The following STAG1 variants were observed in gnomAD, a reference collection of about 807,000 sequenced individuals.
STAG1 encodes STAG1 cohesin complex component.
In STAG1, 26 loss-of-function variants were observed where a neutral mutation model predicts 170.9. The observed-to-expected ratio is 0.15, with a 90% CI of 0.11 to 0.21. The LOEUF is 0.21. STAG1 is among the 10% of genes least tolerant of loss of function. The pLI, the probability that STAG1 is intolerant of heterozygous loss-of-function variation, is 1.00. For missense variants in STAG1, 964 were observed against 1,509.5 expected (o/e 0.64, Z 5.99); for synonymous variants, 514 against 497.7 (o/e 1.03, Z -0.44).
intron 13 of STAG1, among the ~76,000 whole-genome samples, chr3:136,452,554 C>T (rs1576479277): frequency 1.4e-5 from 2 of 141,100 alleles, no homozygotes; most frequent in African/African-American, 2.6e-5. Flanking sequence ...ACAGAGACTC[C>T]GAAAAAAAAA....
chr3:136,455,852 A>G (rs2089096571), intron 13 of STAG1, among the ~76,000 whole-genome samples: 2 of 152,244 alleles, frequency 1.3e-5, no homozygotes, highest in Admixed American at 1.3e-4. Flanking sequence ...AAATAATGTA[A>G]GGCCAGCAAT....
intron 30 of STAG1, among the ~76,000 whole-genome samples, chr3:136,342,145 G>C (rs906150293): frequency 1.3e-5 from 2 of 151,250 alleles, no homozygotes; most frequent in Non-Finnish European, 2.9e-5. Flanking sequence ...TCAGCCTCCC[G>C]AGTAGCTGGG....
intron 9 of STAG1, among the ~76,000 whole-genome samples, chr3:136,490,342 T>C (rs1441201624): frequency 6.6e-6 from 1 of 152,208 alleles, no homozygotes; most frequent in African/African-American, 2.4e-5. Context: ...AGAGTTATTT[T>C]AGATGTATTG....
chr3:136,390,555 G>A (rs897162361), intron 22 of STAG1, among the ~76,000 whole-genome samples: 3 of 152,194 alleles, frequency 2.0e-5, no homozygotes, highest in African/African-American at 7.2e-5. Context: ...CGAAAGGAAA[G>A]GCTTAGAACT....
intron 1 of STAG1, among the ~76,000 whole-genome samples, chr3:136,731,353 G>C (rs1046958753): frequency 6.6e-6 from 1 of 152,132 alleles, no homozygotes; most frequent in African/African-American, 2.4e-5. Context: ...ACTCTCCTCT[G>C]GGCAGGTAAA....
intron 5 of STAG1, among the ~76,000 whole-genome samples, chr3:136,551,236 A>G (rs1357038884): frequency 6.9e-6 from 1 of 144,300 alleles, no homozygotes; most frequent in Non-Finnish European, 1.5e-5. Context: ...AGAGAGAGAG[A>G]GAGAGAGAGA....
At chr3:136,723,740 G>A (rs1933464662) in intron 1 of STAG1, among the ~76,000 whole-genome samples, 1 of 147,404 alleles carries the variant, frequency 6.8e-6, no homozygotes. Context: ...TTGGAAGTGA[G>A]GAGCCCCTCT....
chr3:136,513,641 A>T (rs1299610072), intron 7 of STAG1, among the ~76,000 whole-genome samples: 2 of 152,120 alleles, frequency 1.3e-5, no homozygotes, highest in Non-Finnish European at 2.9e-5. Flanking sequence ...GAGAAACAAA[A>T]TCTTAAAAAA....
At chr3:136,372,158 T>C (rs1937376038) in intron 23 of STAG1, among the ~76,000 whole-genome samples, 1 of 151,772 alleles carries the variant, frequency 6.6e-6, no homozygotes, top group African/African-American at 2.4e-5. Flanking sequence ...CTGTCTGTTA[T>C]TGGTGTATAA....
chr3:136,586,953 G>T, intron 4 of STAG1: 1 of 453,706 alleles, frequency 2.2e-6, no homozygotes, highest in South Asian at 1.6e-5. Context: ...CCAGAAAATG[G>T]AGGGGCTTAG....
At chr3:136,726,809 C>G (rs1387213306) in intron 1 of STAG1, among the ~76,000 whole-genome samples, 2 of 152,166 alleles carry the variant, frequency 1.3e-5, no homozygotes, top group East Asian at 3.9e-4. Flanking sequence ...TGAGTCCTAA[C>G]TATCCCAAAT....
rs528675697 is a variant in STAG1 at position 136,416,044 on chromosome 3, A to T, written c.2196+1841T>A. On this transcript the variant is annotated intron_variant, in intron 21 of 33. Coordinates refer to ENST00000383202, the MANE Select transcript of STAG1 (RefSeq NM_005862.3). The stretch of plus-strand genomic sequence containing the variant: ...TTTTTTTTGAGACGGAGTCTTGCTC[A>T]TCGCCCAGGCTGGAGTGCAGTGGTA... 1.2e-3 allele frequency among the ~76,000 whole-genome samples: 176 copies of T among 151,886 alleles called. 1 individual carries two copies. Among genetic ancestry groups the T allele is most frequent in the African/African-American group, 4.1e-3 (168 of 41,446 alleles).
chr3:136,375,595 G>A (rs1045366102), intron 23 of STAG1, among the ~76,000 whole-genome samples: 3 of 152,132 alleles, frequency 2.0e-5, no homozygotes, highest in African/African-American at 7.2e-5. Context: ...AGAATCCACA[G>A]GGAATACTTT....
intron 1 of STAG1, among the ~76,000 whole-genome samples, chr3:136,636,516 T>G (rs574093594): frequency 1.3e-5 from 2 of 152,304 alleles, no homozygotes; most frequent in African/African-American, 4.8e-5. Context: ...AACAGAAAAC[T>G]TTTTATTGAA....
intron 1 of STAG1, among the ~76,000 whole-genome samples, chr3:136,658,955 A>G (rs1192709964): frequency 6.6e-6 from 1 of 152,182 alleles, no homozygotes; most frequent in East Asian, 1.9e-4. Context: ...GAATGAGGCA[A>G]GTATTCATGG....
chr3:136,362,701 A>T (rs566309249), intron 26 of STAG1, among the ~76,000 whole-genome samples: 6 of 151,862 alleles, frequency 4.0e-5, no homozygotes, highest in African/African-American at 1.2e-4. Flanking sequence ...AAGAGGATTT[A>T]AAAAATATCC....
At chr3:136,418,268 G>A (rs561640056) in intron 20 of STAG1, among the ~76,000 whole-genome samples, 1 of 144,522 alleles carries the variant, frequency 6.9e-6, no homozygotes, top group East Asian at 2.2e-4. Context: ...GCTGAGGCAG[G>A]AGAATCACTT....
chr3:136,478,967 A>G (rs943515961), intron 9 of STAG1, among the ~76,000 whole-genome samples: 3 of 151,992 alleles, frequency 2.0e-5, no homozygotes, highest in African/African-American at 7.2e-5. Context: ...CACAGTTACT[A>G]TGAGAATAAA....
chr3:136,578,549 C>A (rs1429967628), intron 4 of STAG1, among the ~76,000 whole-genome samples: 1 of 152,196 alleles, frequency 6.6e-6, no homozygotes, highest in African/African-American at 2.4e-5. Context: ...TACAACTATT[C>A]CAAGTACATA....
Sources: gnomAD v4.1 joint callset for allele counts (sites outside exome capture counted in the v4.1 genomes callset) on GRCh38, gnomAD v4.1.1 for gene constraint, MANE v1.5 for transcripts, NCBI Gene and HGNC (gene_info 2026-07-23, HGNC 2026-07-21) for gene names.